Variants in SERPINB8 observed in about 807,000 individuals in gnomAD.
SERPINB8 encodes serpin B8.
In SERPINB8, 25 loss-of-function variants were observed where a neutral mutation model predicts 35.3. The ratio of observed to expected loss-of-function variants is 0.71; its 90% CI spans 0.52 to 0.99. The LOEUF (loss-of-function observed/expected upper bound fraction) is 0.99. SERPINB8 is among the 50% of genes least tolerant of loss of function. SERPINB8 has a pLI of 0.00. For missense variants in SERPINB8, 484 were observed against 446.5 expected (o/e 1.08, Z -0.76); for synonymous variants, 186 against 160.8 (o/e 1.16, Z -1.19).
chr18:63,982,197 G>A (rs1223005456), intron 4 of SERPINB8, among the ~76,000 whole-genome samples: 1 of 152,284 alleles, frequency 6.6e-6, no homozygotes, highest in East Asian at 1.9e-4. Flanking sequence ...AACATTTCAT[G>A]CTCTCATGTT....
In SERPINB8 at chr18:63,998,737, G is replaced by A. The variant is rs2050861375; in HGVS notation, c.71-6082G>A. Among the ~76,000 whole-genome samples, 4 of 152,124 alleles carry A rather than the reference G, an allele frequency of 2.6e-5. No homozygotes were observed. The South Asian group carries it at 8.3e-4, about 32-fold the overall frequency. ...AAGACCAAAATCAGTGGGAGATCAG[G>A]AAGGCTACTAAACAGCACAGATTGG... On this transcript the variant is annotated intron_variant, in intron 1 of 1. Transcript: ENST00000493661.
chr18:63,970,130 A>AGCGGCGGCGGCG lies in SERPINB8; in HGVS notation c.-42_-31dup, dbSNP rs113130158. 164 of 343,998 alleles carry AGCGGCGGCGGCG rather than the reference A, an allele frequency of 4.8e-4. 13 individuals are homozygous for AGCGGCGGCGGCG. The highest frequency in any genetic ancestry group is 2.2e-3 in the African/African-American group (97 of 43,870). 21.3% of individuals were successfully genotyped at this position (343,998 alleles called of 1,614,324 possible). A position where few individuals can be genotyped will look rare whatever the true frequency, so the allele number is the denominator to read the frequency against. On this transcript the variant is annotated 5_prime_UTR_variant, in exon 1 of 7. Transcript: ENST00000397985. ...ACAAAGGAGGAATAGTCAAAGCAGC[A>AGCGGCGGCGGCG]GCGGCGGCGGCGGCGGCGGCAGCAG...
At chr18:64,005,802 G>A (rs1411018963), downstream of SERPINB8, 3 of 152,196 alleles carry the variant, frequency 2.0e-5, no homozygotes, top group African/African-American at 7.2e-5. Flanking sequence ...CAAAGGGCTG[G>A]AGAGTTTTTG....
Position 63,987,126 on chromosome 18 carries a change from G to T in SERPINB8, c.973G>T (p.Gly325Cys), listed in dbSNP as rs368066827. 6.2e-6 allele frequency: 10 copies of T among 1,614,080 alleles called. No homozygotes were observed. In the African/African-American group the frequency reaches 1.2e-4, roughly 19 times the overall value. ...GTGCTTCGTGGAGGTCAATGAGGAA[G>T]GCACAGAGGCTGCCGCAGCCACTGC... Reference protein sequence around the residue: ...HKCFVEVNEEGTEAAAATAVV... With the variant: ...HKCFVEVNEECTEAAAATAVV... Residue 325 changes from glycine (G) to cysteine (C), a missense_variant, in exon 7 of 7, where the codon GGC becomes TGC. Gly to Cys is a radical substitution (Grantham distance 159). Coordinates refer to ENST00000397985, the MANE Select transcript of SERPINB8 (RefSeq NM_002640.4).
chr18:63,977,791 T>A (rs1237013674), intron 1 of SERPINB8, among the ~76,000 whole-genome samples: 1 of 152,258 alleles, frequency 6.6e-6, no homozygotes, highest in African/African-American at 2.4e-5. Context: ...GATAACACTT[T>A]ACCACAAATT....
chr18:64,008,555 T>C (rs1468053766), downstream of SERPINB8, among the ~76,000 whole-genome samples: 2 of 152,022 alleles, frequency 1.3e-5, no homozygotes, highest in Non-Finnish European at 2.9e-5. Context: ...GGCCCATTAC[T>C]CTTATTCAGT....
chr18:63,994,120 G>A (rs572119743), downstream of SERPINB8, among the ~76,000 whole-genome samples: 1 of 152,090 alleles, frequency 6.6e-6, no homozygotes, highest in East Asian at 1.9e-4. Context: ...TTGCGTTTGG[G>A]ACTTCTAGGC....
rs2050783916 is a variant in SERPINB8 at position 63,987,688 on chromosome 18, C to A, written c.*410C>A. 5.8e-6 allele frequency: 1 copy of A among 171,510 alleles called. No homozygotes were observed. Among genetic ancestry groups the A allele is most frequent in the Non-Finnish European group, 1.3e-5 (1 of 79,996 alleles). The allele number at this position is 171,510 out of a possible 1,614,324, so 10.6% of individuals were successfully genotyped here. On this transcript the variant is annotated 3_prime_UTR_variant, in exon 7 of 7. Transcript: ENST00000397985. The stretch of plus-strand genomic sequence containing the variant: ...CACTGCACACAAAGCCAAGGGCAAA[C>A]CCTATAGAGTAAAGCTGCAGCCACC...
chr18:64,007,831 C>A (rs1000193824), downstream of SERPINB8, among the ~76,000 whole-genome samples: 1 of 152,254 alleles, frequency 6.6e-6, no homozygotes, highest in African/African-American at 2.4e-5. Context: ...ACCTCCAACA[C>A]TGGGGATTAC....
chr18:64,014,649 C>T (rs534186068), intron 7 of SERPINB8, among the ~76,000 whole-genome samples: 1 of 152,262 alleles, frequency 6.6e-6, no homozygotes, highest in South Asian at 2.1e-4. Flanking sequence ...GTTGCATATT[C>T]CAAACAGTTT....
chr18:63,987,690 C>A lies in SERPINB8; in HGVS notation c.*412C>A. On this transcript the variant is annotated 3_prime_UTR_variant, in exon 7 of 7. Coordinates refer to ENST00000397985, the MANE Select transcript of SERPINB8 (RefSeq NM_002640.4). ...CTGCACACAAAGCCAAGGGCAAACC[C>A]TATAGAGTAAAGCTGCAGCCACCCT... is the stretch of plus-strand genomic sequence containing the variant. 1 of 168,322 alleles carries A rather than the reference C, an allele frequency of 5.9e-6. No individual in the cohort carries two copies. The highest frequency in any genetic ancestry group is 1.3e-5 in the Non-Finnish European group (1 of 78,110). The allele number at this position is 168,322 out of a possible 1,614,324, so 10.4% of individuals were successfully genotyped here.
chr18:64,017,509 G>A (rs564120481), intron 7 of SERPINB8, among the ~76,000 whole-genome samples: 22 of 152,216 alleles, frequency 1.4e-4, no homozygotes, highest in Middle Eastern at 3.4e-3. Flanking sequence ...CAATTTTTCA[G>A]TATGTTCTAC....
intron 1 of SERPINB8, among the ~76,000 whole-genome samples, chr18:63,971,664 T>C (rs2050483251): frequency 6.6e-6 from 1 of 152,210 alleles, no homozygotes; most frequent in Non-Finnish European, 1.5e-5. Flanking sequence ...GGTGGTGGCC[T>C]ACGCGCCAGC....
At chr18:64,009,947 C>A (rs1002208136), downstream of SERPINB8, among the ~76,000 whole-genome samples, 1 of 152,016 alleles carries the variant, frequency 6.6e-6, no homozygotes, top group South Asian at 2.1e-4. Context: ...CATTAAAATA[C>A]ATGTATTTAA....
downstream of SERPINB8, among the ~76,000 whole-genome samples, chr18:63,989,769 C>T (rs993901034): frequency 8.6e-5 from 13 of 151,594 alleles, no homozygotes; most frequent in Admixed American, 2.0e-4. Flanking sequence ...CGGTGAAACC[C>T]CGTCTCTACT....
chr18:63,991,625 C>A (rs955567722), downstream of SERPINB8, among the ~76,000 whole-genome samples: 2 of 151,758 alleles, frequency 1.3e-5, no homozygotes, highest in Non-Finnish European at 2.9e-5. Flanking sequence ...AGTTCCATGT[C>A]TGCTAATAAA....
intron 1 of SERPINB8, among the ~76,000 whole-genome samples, chr18:63,976,767 A>AT (rs1395977138): frequency 2.0e-5 from 3 of 152,184 alleles, no homozygotes; most frequent in Non-Finnish European, 4.4e-5. Context: ...AATGCATCTA[A>AT]TTAAAAGTGC....
downstream of SERPINB8, among the ~76,000 whole-genome samples, chr18:63,990,453 A>T (rs2050818899): frequency 6.7e-6 from 1 of 149,874 alleles, no homozygotes; most frequent in Admixed American, 6.6e-5. Context: ...ATCTGAAAAC[A>T]TTTTTCTCCC....
intron 7 of SERPINB8, among the ~76,000 whole-genome samples, chr18:64,015,915 C>A (rs1479182969): frequency 6.6e-6 from 1 of 152,206 alleles, no homozygotes; most frequent in Non-Finnish European, 1.5e-5. Context: ...TCCTTCTCCT[C>A]CTAATAAAAA....
Sources: allele counts gnomAD v4.1 joint callset (sites outside exome capture counted in the v4.1 genomes callset), GRCh38; gene constraint gnomAD v4.1.1; transcripts MANE v1.5; gene names NCBI Gene and HGNC (gene_info 2026-07-23, HGNC 2026-07-21).